SERTM1: variants seen among roughly 807,000 people sequenced by gnomAD.
SERTM1 encodes the protein serine rich and transmembrane domain containing 1, also known as serine-rich and transmembrane domain-containing protein 1.
A neutral mutation model predicts 5.5 loss-of-function variants in SERTM1; 1 was observed. The observed-to-expected ratio is 0.18, with a 90% CI of 0.06 to 0.86. SERTM1 has a LOEUF of 0.86. SERTM1 is among the 40% of genes least tolerant of loss of function. The pLI, the probability that SERTM1 is intolerant of heterozygous loss-of-function variation, is 0.69. For missense variants in SERTM1, 91 were observed against 122.4 expected, an observed-to-expected ratio of 0.74 and a Z score of 1.21; for synonymous variants, 52 against 55.1, an observed-to-expected ratio of 0.94 and a Z score of 0.25.
At chr13:36,689,595 A>G (rs1331136881) in intron 1 of SERTM1, among the ~76,000 whole-genome samples, 1 of 150,130 alleles carries the variant, frequency 6.7e-6, no homozygotes, top group Non-Finnish European at 1.5e-5. Flanking sequence ...AGGGACTTAT[A>G]CCTATAATTA....
chr13:36,694,465 T>G (rs2056799818), intron 1 of SERTM1, among the ~76,000 whole-genome samples: 1 of 152,224 alleles, frequency 6.6e-6, no homozygotes, highest in Non-Finnish European at 1.5e-5. Context: ...AACTCACATG[T>G]GCAGTGATTT....
At chr13:36,693,746 A>C (rs1030337752) in intron 1 of SERTM1, among the ~76,000 whole-genome samples, 1 of 152,252 alleles carries the variant, frequency 6.6e-6, no homozygotes, top group African/African-American at 2.4e-5. Context: ...AGGAAGAGAA[A>C]GCTAGAGGCA....
chr13:36,682,582 C>T (rs1269700329), intron 1 of SERTM1, among the ~76,000 whole-genome samples: 1 of 152,050 alleles, frequency 6.6e-6, no homozygotes, highest in Non-Finnish European at 1.5e-5. Flanking sequence ...AGGATATGTA[C>T]ACATATAAGG....
intron 1 of SERTM1, among the ~76,000 whole-genome samples, chr13:36,677,587 T>TA (rs1235234817): frequency 1.3e-5 from 2 of 152,172 alleles, no homozygotes; most frequent in African/African-American, 4.8e-5. Context: ...AGCAGAAGGA[T>TA]AGGTGGCTAT....
chr13:36,679,527 C>T (rs574390822), intron 1 of SERTM1, among the ~76,000 whole-genome samples: 6 of 152,270 alleles, frequency 3.9e-5, no homozygotes, highest in Non-Finnish European at 8.8e-5. Context: ...CCTGTCTCAG[C>T]CTCCTGAGTA....
intron 1 of SERTM1, among the ~76,000 whole-genome samples, chr13:36,693,034 C>T (rs538651734): frequency 9.2e-5 from 14 of 152,314 alleles, no homozygotes; most frequent in African/African-American, 2.2e-4. Flanking sequence ...TACATTTGAT[C>T]CTTCCCACCA....
At chr13:36,679,068 G>GATCATAAAGACATAAGAT (rs1336534974) in intron 1 of SERTM1, among the ~76,000 whole-genome samples, 1 of 151,964 alleles carries the variant, frequency 6.6e-6, no homozygotes, top group African/African-American at 2.4e-5. Context: ...AAAGTACACA[G>GATCATAAAGACATAAGAT]ATCATAAAGA....
intron 1 of SERTM1, among the ~76,000 whole-genome samples, chr13:36,678,345 A>G (rs76413032): frequency 0.15 from 22,627 of 152,026 alleles, 1,759 homozygotes; most frequent in African/African-American, 0.16. Context: ...TGTGTGTATA[A>G]TAGTAGTAGC....
At chr13:36,680,145 C>G (rs1310771359) in intron 1 of SERTM1, among the ~76,000 whole-genome samples, 1 of 152,180 alleles carries the variant, frequency 6.6e-6, no homozygotes, top group African/African-American at 2.4e-5. Flanking sequence ...GATACTCAAT[C>G]TGTACCCTCT....
At chr13:36,691,002 T>C (rs1450737875) in intron 1 of SERTM1, among the ~76,000 whole-genome samples, 1 of 152,214 alleles carries the variant, frequency 6.6e-6, no homozygotes, top group African/African-American at 2.4e-5. Context: ...ACCTTTCAAA[T>C]AGTCGTTATT....
chr13:36,697,075 A>G lies in SERTM1; in HGVS notation c.*1673A>G, dbSNP rs1274007979. On this transcript the variant is annotated 3_prime_UTR_variant, in exon 2 of 2. Coordinates refer to ENST00000315190, the MANE Select transcript of SERTM1 (RefSeq NM_203451.3). ...CCTCACTTAAATCAGAACACATTTA[A>G]CTATTTATATATCAAAAACGTCCCC... 6.0e-6 allele frequency: 1 copy of G among 167,016 alleles called. No homozygotes were observed. The highest frequency in any genetic ancestry group is 2.4e-5 in the African/African-American group (1 of 41,440). The allele number at this position is 167,016 out of a possible 1,614,324, so 10.3% of individuals were successfully genotyped here. A position where few individuals can be genotyped will look rare whatever the true frequency, so the allele number is the denominator to read the frequency against.
chr13:36,691,699 C>T (rs966175818), intron 1 of SERTM1, among the ~76,000 whole-genome samples: 3 of 152,128 alleles, frequency 2.0e-5, no homozygotes, highest in Non-Finnish European at 4.4e-5. Context: ...GGCGCTGCCC[C>T]GAGACAGGTC....
chr13:36,674,094 G>T lies in SERTM1; in HGVS notation c.-264G>T, dbSNP rs958242509. The T allele has an allele frequency of 6.6e-6, 1 of 152,244 alleles. No homozygotes were observed. Among genetic ancestry groups the T allele is most frequent in the Non-Finnish European group, 1.5e-5 (1 of 68,072 alleles). 9.4% of individuals were successfully genotyped at this position (152,244 alleles called of 1,614,324 possible). ...CGCTGCGCCCAACATTCCCGAGGAC[G>T]GCTTCGCGGGCGCGTATCGTCCAGA... On this transcript the variant is annotated 5_prime_UTR_variant, in exon 1 of 2. Transcript: ENST00000315190.
chr13:36,674,813 T>C (rs2056659760), intron 1 of SERTM1, among the ~76,000 whole-genome samples: 1 of 152,114 alleles, frequency 6.6e-6, no homozygotes, highest in Non-Finnish European at 1.5e-5. Flanking sequence ...AAGTTTTATG[T>C]GGCGCTGAAC....
chr13:36,692,274 A>G (rs1403592098), intron 1 of SERTM1, among the ~76,000 whole-genome samples: 1 of 152,214 alleles, frequency 6.6e-6, no homozygotes, highest in African/African-American at 2.4e-5. Flanking sequence ...GTTGAGGCTC[A>G]TGGTGGGGTT....
intron 1 of SERTM1, among the ~76,000 whole-genome samples, chr13:36,692,898 A>C (rs1459080852): frequency 3.3e-5 from 5 of 152,176 alleles, no homozygotes; most frequent in Non-Finnish European, 1.5e-5. Flanking sequence ...ATGTTTTTGC[A>C]TGTCAGTTTT....
rs2056817590 is a variant in SERTM1 at position 36,696,843 on chromosome 13, T to C, written c.*1441T>C. ...CGGTCTTCCCATGGCAACTGAATCA[T>C]TCCTTGTTCAAAACATTTAATCATC... On this transcript the variant is annotated 3_prime_UTR_variant, in exon 2 of 2. Transcript: ENST00000315190. The C allele has an allele frequency of 6.0e-6, 1 of 167,060 alleles. No homozygotes were observed. Among genetic ancestry groups the C allele is most frequent in the Middle Eastern group, 3.1e-3 (1 of 320 alleles). 10.3% of individuals were successfully genotyped at this position (167,060 alleles called of 1,614,324 possible).
At chr13:36,679,932 A>G (rs552479781) in intron 1 of SERTM1, among the ~76,000 whole-genome samples, 12 of 152,308 alleles carry the variant, frequency 7.9e-5, no homozygotes, top group African/African-American at 2.9e-4. Flanking sequence ...ACTTTGTTTC[A>G]TGCAAAAAAA....
chr13:36,687,277 G>A (rs143155933), intron 1 of SERTM1, among the ~76,000 whole-genome samples: 10 of 152,260 alleles, frequency 6.6e-5, no homozygotes, highest in African/African-American at 2.2e-4. Flanking sequence ...TAACATTTAT[G>A]CATATTTGTG....
Sources: gnomAD v4.1 joint callset for allele counts (sites outside exome capture counted in the v4.1 genomes callset) on GRCh38, gnomAD v4.1.1 for gene constraint, MANE v1.5 for transcripts, NCBI Gene and HGNC (gene_info 2026-07-23, HGNC 2026-07-21) for gene names.